VIRMA: variants seen among roughly 807,000 people sequenced by gnomAD.
The protein encoded by VIRMA is protein virilizer homolog.
A neutral mutation model predicts 182.4 loss-of-function variants in VIRMA; 65 were observed. The observed-to-expected ratio is 0.36, with a 90% CI of 0.29 to 0.44. The LOEUF (loss-of-function observed/expected upper bound fraction) is 0.44, where lower values mean the gene tolerates loss of function less well. Ranked by LOEUF, VIRMA falls within the 20% of genes least tolerant of loss-of-function variation. The pLI is 1.00. For missense variants in VIRMA, 1,752 were observed against 2,158.1 expected, an observed-to-expected ratio of 0.81 and a Z score of 3.73; for synonymous variants, 709 against 743.1, an observed-to-expected ratio of 0.95 and a Z score of 0.75.
rs1381033532 is a variant in VIRMA, at chr8:94,519,580, T to G, written c.2022-104A>C. The stretch of plus-strand genomic sequence containing the variant: ...TAAAAATTTTTAATGACCATAATCC[T>G]TATCCTCAGTAATATACTGCTTTAA... On this transcript the variant is annotated intron_variant, in intron 8 of 23. Transcript: ENST00000297591. 4 of 1,176,118 alleles carry G rather than the reference T, an allele frequency of 3.4e-6. No homozygotes were observed. The African/African-American group carries it at 6.2e-5, about 18-fold the overall frequency. 72.9% of individuals were successfully genotyped at this position (1,176,118 alleles called of 1,614,324 possible).
chr8:94,501,473 C>T (rs535288822), intron 16 of VIRMA, among the ~76,000 whole-genome samples: 8 of 152,216 alleles, frequency 5.3e-5, no homozygotes, highest in African/African-American at 1.7e-4. Flanking sequence ...CACTGTACTC[C>T]GATTGCTCAA....
At chr8:94,542,438 A>G (rs1815589419) in intron 2 of VIRMA, among the ~76,000 whole-genome samples, 1 of 152,238 alleles carries the variant, frequency 6.6e-6, no homozygotes, top group African/African-American at 2.4e-5. Flanking sequence ...ACTTCATGAA[A>G]GAACCTGAGC....
At chr8:94,511,087 A>G in intron 13 of VIRMA, 98 bp downstream of exon 13, 1 of 1,484,646 alleles carries the variant, frequency 6.7e-7, no homozygotes, top group Non-Finnish European at 8.9e-7. Flanking sequence ...TTTTGGGAGG[A>G]AGGGAGATGA....
In VIRMA at chr8:94,534,913, T is replaced by C. The variant is rs758062671; in HGVS notation, c.410A>G (p.Asp137Gly). The C allele has an allele frequency of 6.2e-7, 1 of 1,612,866 alleles. No individual in the cohort carries two copies. Among genetic ancestry groups the C allele is most frequent in the Admixed American group, 1.7e-5 (1 of 59,852 alleles). Residue 137 changes from aspartate (D) to glycine (G), a missense_variant, in exon 5 of 24, where the codon GAC becomes GGC. By Grantham distance (94) the Asp-to-Gly change is moderately conservative. Coordinates refer to ENST00000297591, the MANE Select transcript of VIRMA (RefSeq NM_015496.5). ...CGGTGGAGGTGGTGGTGGTGGAGAG[T>C]CTCTGTCATGACTTATCACTCTATC... is the stretch of plus-strand genomic sequence containing the variant. ...SVDRVISHDRDSPPPPPPPPP... is the reference protein window; with the variant it reads ...SVDRVISHDRGSPPPPPPPPP...
At chr8:94,498,539 A>G (rs1263084737) in intron 17 of VIRMA, 1 of 152,228 alleles carries the variant, frequency 6.6e-6, no homozygotes, top group Non-Finnish European at 1.5e-5. Flanking sequence ...CAGTGACACA[A>G]TCATAGCTAA....
chr8:94,489,721 A>G (rs1184822160), intron 23 of VIRMA, among the ~76,000 whole-genome samples: 2 of 152,166 alleles, frequency 1.3e-5, no homozygotes, highest in African/African-American at 4.8e-5. Context: ...AATATGTGTC[A>G]ATCAACTGTT....
chr8:94,507,930 T>C (rs1343322726), intron 15 of VIRMA, among the ~76,000 whole-genome samples: 1 of 122,064 alleles, frequency 8.2e-6, no homozygotes, highest in Non-Finnish European at 1.7e-5. Flanking sequence ...TATATGTATG[T>C]ACATATGTGT....
At chr8:94,516,719 A>G (rs1384067247) in intron 10 of VIRMA, among the ~76,000 whole-genome samples, 1 of 152,244 alleles carries the variant, frequency 6.6e-6, no homozygotes, top group Non-Finnish European at 1.5e-5. Context: ...AGCACTAATA[A>G]TACCTTTGAA....
At position 94,492,774 on chromosome 8, in the gene VIRMA, G is replaced by T. The variant is rs1563676742; in HGVS notation, c.4686C>A (p.Asp1562Glu). The T allele has an allele frequency of 6.2e-7, 1 of 1,613,676 alleles. No individual in the cohort carries two copies. The highest frequency in any genetic ancestry group is 1.3e-5 in the African/African-American group (1 of 74,856). Residue 1562 changes from aspartate to glutamate, a missense_variant, in exon 21 of 24, where the codon GAC (aspartate) becomes GAA (glutamate). This residue lies in a region of VIRMA where 777 missense variants were observed against 920.6 expected (regional missense o/e 0.84). Transcript: ENST00000297591. ...LIELSEKCCS[D>E]FDLHSELERS... ...GCTCTAATTCTGAGTGCAAATCAAAGTCACTACAGCATTTTTCAGAGAGTT... is the reference window on the plus strand; with the variant it reads ...GCTCTAATTCTGAGTGCAAATCAAATTCACTACAGCATTTTTCAGAGAGTT...
intron 15 of VIRMA, among the ~76,000 whole-genome samples, chr8:94,507,137 CTTT>C (rs202183757): frequency 7.5e-5 from 10 of 133,112 alleles, no homozygotes; most frequent in Admixed American, 1.5e-4. Context: ...TAAAGTTTTT[CTTT>C]TTTTTTTTTT....
chr8:94,511,928 ATATTT>A, intron 12 of VIRMA, 63 bp downstream of exon 12: 1 of 862,192 alleles, frequency 1.2e-6, no homozygotes, highest in Non-Finnish European at 1.6e-6. Context: ...AATTAACTAA[ATATTT>A]AATAAATGAT....
intron 8 of VIRMA, among the ~76,000 whole-genome samples, chr8:94,520,992 C>CT (rs1814741812): frequency 6.6e-6 from 1 of 152,134 alleles, no homozygotes; most frequent in African/African-American, 2.4e-5. Flanking sequence ...TCAAGTGATC[C>CT]TTTTGCCTCA....
At position 94,510,482 on chromosome 8, in the gene VIRMA, A is replaced by T. The variant is rs1243690291; in HGVS notation, c.3561T>A (p.Leu1187=). The part of the protein sequence containing the change: ...LRRICVQLCD[L]ASPTALLIMR... The stretch of plus-strand genomic sequence containing the variant: ...TAATCAGAAGTGCAGTTGGTGAGGC[A>T]AGGTCACACAATTGAACACAAATAC... The change falls in exon 14 of 24, where the codon CTT becomes CTA. Residue 1187 remains leucine, a synonymous_variant. Coordinates refer to ENST00000297591, the MANE Select transcript of VIRMA (RefSeq NM_015496.5). 1.2e-6 allele frequency: 2 copies of T among 1,614,030 alleles called. No homozygotes were observed. The highest frequency in any genetic ancestry group is 1.1e-5 in the South Asian group (1 of 91,092).
At chr8:94,524,162 A>C (rs1275151151) in intron 8 of VIRMA, among the ~76,000 whole-genome samples, 1 of 151,812 alleles carries the variant, frequency 6.6e-6, no homozygotes, top group Non-Finnish European at 1.5e-5. Context: ...ACCATGCCCC[A>C]CTAATTTTGT....
At chr8:94,540,040 G>T (rs1815485488) in intron 2 of VIRMA, among the ~76,000 whole-genome samples, 1 of 152,114 alleles carries the variant, frequency 6.6e-6, no homozygotes, top group Admixed American at 6.6e-5. Flanking sequence ...CCAGTATGTG[G>T]TATTCTGTTA....
In VIRMA at chr8:94,525,970, C is replaced by A. The variant is rs181723274; in HGVS notation, c.2021+253G>T. On this transcript the variant is annotated intron_variant, in intron 8 of 23. Coordinates refer to ENST00000297591, the MANE Select transcript of VIRMA (RefSeq NM_015496.5). ...TCATTTATTCTTGCTCATAGACATG[C>A]TTATACAAGCATCATTGTTAATTAC... is the stretch of plus-strand genomic sequence containing the variant. Among the ~76,000 whole-genome samples, 127 of 152,332 alleles carry A rather than the reference C, an allele frequency of 8.3e-4. 1 individual carries two copies. The highest frequency in any genetic ancestry group is 3.0e-3 in the African/African-American group (124 of 41,578).
At chr8:94,523,644 T>C (rs1168739611) in intron 8 of VIRMA, among the ~76,000 whole-genome samples, 1 of 152,026 alleles carries the variant, frequency 6.6e-6, no homozygotes, top group Non-Finnish European at 1.5e-5. Flanking sequence ...AATTTCTTTT[T>C]TGAGACGGAG....
chr8:94,500,102 T>C (rs1156722427), intron 16 of VIRMA, among the ~76,000 whole-genome samples: 2 of 146,162 alleles, frequency 1.4e-5, no homozygotes, highest in African/African-American at 5.1e-5. Flanking sequence ...GCCAGTTCCC[T>C]ATTTATAAAC....
At chr8:94,538,922 G>C (rs1815440685) in intron 2 of VIRMA, among the ~76,000 whole-genome samples, 1 of 151,618 alleles carries the variant, frequency 6.6e-6, no homozygotes, top group South Asian at 2.1e-4. Flanking sequence ...TCTTTTTAGA[G>C]ACAGAGTCTT....
Sources: allele counts gnomAD v4.1 joint callset (sites outside exome capture counted in the v4.1 genomes callset), GRCh38; gene constraint gnomAD v4.1.1; regional missense constraint gnomAD v4.1.1; transcripts MANE v1.5; gene names NCBI Gene and HGNC (gene_info 2026-07-23, HGNC 2026-07-21).